The following MEIS1 variants were observed in gnomAD, a reference collection of about 807,000 sequenced individuals.
The protein encoded by MEIS1 is Meis homeobox 1.
MEIS1 carries 5 observed loss-of-function variants against 50.8 expected under a neutral mutation model. That is an observed-to-expected ratio of 0.10 (90% CI 0.05 to 0.21). The LOEUF is 0.21. Ranked by LOEUF, MEIS1 falls within the 10% of genes least tolerant of loss-of-function variation. MEIS1 has a pLI of 1.00. For missense variants in MEIS1, 318 were observed against 517.3 expected, an observed-to-expected ratio of 0.61 and a Z score of 3.74; for synonymous variants, 176 against 179.3, an observed-to-expected ratio of 0.98 and a Z score of 0.15.
Position 66,530,973 on chromosome 2 carries a change from AT to A in MEIS1, c.889-16962del, listed in dbSNP as rs1327998948. ...CAAATGCAGCTGTCTGCTAAGATAA[AT>A]TTTTTTTCTTGCCATGTGATTTGAG... On this transcript the variant is annotated intron_variant, in intron 8 of 12. Coordinates refer to ENST00000272369, the MANE Select transcript of MEIS1 (RefSeq NM_002398.3). 2.6e-5 allele frequency among the ~76,000 whole-genome samples: 4 copies of A among 152,090 alleles called. No individual in the cohort carries two copies. In the East Asian group the frequency reaches 5.8e-4, roughly 22 times the overall value.
chr2:66,502,434 A>G (rs1164148098), intron 7 of MEIS1, among the ~76,000 whole-genome samples: 1 of 152,236 alleles, frequency 6.6e-6, no homozygotes, highest in East Asian at 1.9e-4. Flanking sequence ...AAATTCTGCC[A>G]TTTAAAGATT....
intron 7 of MEIS1, among the ~76,000 whole-genome samples, chr2:66,492,982 A>G (rs569233440): frequency 2.7e-4 from 41 of 152,262 alleles, no homozygotes; most frequent in African/African-American, 9.9e-4. Context: ...CATAAAGGGA[A>G]GTCAGAGGAA....
At chr2:66,566,952 C>T (rs1190079135) in intron 9 of MEIS1, among the ~76,000 whole-genome samples, 4 of 152,098 alleles carry the variant, frequency 2.6e-5, no homozygotes, top group Non-Finnish European at 4.4e-5. Flanking sequence ...GCTGCCATCC[C>T]AGTTCATTAT....
intron 8 of MEIS1, among the ~76,000 whole-genome samples, chr2:66,519,133 C>A (rs1026743989): frequency 6.6e-6 from 1 of 152,160 alleles, no homozygotes; most frequent in Admixed American, 6.5e-5. Flanking sequence ...AATTTTTCTT[C>A]TTGTACTGAT....
chr2:66,435,855 C>G lies in MEIS1; in HGVS notation c.-2C>G. ...GAAGTAGGAAGGGAGCCAGAGAGGCCGATGGCGCAAAGGGTACGTATTAAA... is the reference window on the plus strand; with the variant it reads ...GAAGTAGGAAGGGAGCCAGAGAGGCGGATGGCGCAAAGGGTACGTATTAAA... On this transcript the variant is annotated 5_prime_UTR_variant, in exon 1 of 13. Transcript: ENST00000272369. 6.4e-7 allele frequency: 1 copy of G among 1,570,226 alleles called. No homozygotes were observed. Among genetic ancestry groups the G allele is most frequent in the African/African-American group, 1.4e-5 (1 of 71,080 alleles).
At chr2:66,460,982 G>T (rs7570753) in intron 6 of MEIS1, among the ~76,000 whole-genome samples, 8,721 of 152,162 alleles carry the variant, frequency 0.057, 622 homozygotes, top group African/African-American at 0.17. Flanking sequence ...AAGACCTCTT[G>T]TCTTACTGGA....
At chr2:66,485,507 C>T (rs559625614) in intron 7 of MEIS1, among the ~76,000 whole-genome samples, 1 of 152,224 alleles carries the variant, frequency 6.6e-6, no homozygotes, top group South Asian at 2.1e-4. Flanking sequence ...CATTGATGGG[C>T]ATTTGGGTTG....
chr2:66,514,894 G>A (rs1188768468), intron 8 of MEIS1, among the ~76,000 whole-genome samples: 2 of 152,142 alleles, frequency 1.3e-5, no homozygotes, highest in African/African-American at 4.8e-5. Flanking sequence ...AATATTTATA[G>A]TAAGGAGCTA....
chr2:66,458,264 A>G (rs1672439849), intron 6 of MEIS1, among the ~76,000 whole-genome samples: 1 of 152,242 alleles, frequency 6.6e-6, no homozygotes, highest in African/African-American at 2.4e-5. Flanking sequence ...AAAGTGATTT[A>G]TAAATATTAG....
chr2:66,495,302 T>TA (rs370348538), intron 7 of MEIS1, among the ~76,000 whole-genome samples: 5 of 152,220 alleles, frequency 3.3e-5, no homozygotes, highest in East Asian at 1.9e-4. Context: ...TGATCATACT[T>TA]ACGTCTTTTG....
At chr2:66,565,104 A>G (rs1007294526) in intron 9 of MEIS1, among the ~76,000 whole-genome samples, 1 of 152,124 alleles carries the variant, frequency 6.6e-6, no homozygotes, top group African/African-American at 2.4e-5. Flanking sequence ...GACCAAACGA[A>G]GTGACCATTA....
At chr2:66,443,295 CT>C (rs1247539327) in intron 6 of MEIS1, 1 of 470,410 alleles carries the variant, frequency 2.1e-6, no homozygotes, top group Non-Finnish European at 3.7e-6. Context: ...TTTCTTGTCG[CT>C]TTTAATTTTT....
chr2:66,454,612 A>T (rs995889411), intron 6 of MEIS1: 1 of 152,146 alleles, frequency 6.6e-6, no homozygotes, highest in Admixed American at 6.5e-5. Flanking sequence ...TTCATTTTTT[A>T]AATTTTTTTT....
intron 6 of MEIS1, among the ~76,000 whole-genome samples, chr2:66,456,930 T>C (rs1003774251): frequency 2.6e-5 from 4 of 152,212 alleles, no homozygotes; most frequent in Non-Finnish European, 4.4e-5. Context: ...TTCTCTAAAG[T>C]ATGCTATTTC....
intron 9 of MEIS1, among the ~76,000 whole-genome samples, chr2:66,555,404 G>C (rs1675036734): frequency 6.6e-6 from 1 of 151,096 alleles, no homozygotes; most frequent in Non-Finnish European, 1.5e-5. Flanking sequence ...CTCACTATGT[G>C]AATCAAGGGG....
chr2:66,457,997 C>T (rs373417133), intron 6 of MEIS1, among the ~76,000 whole-genome samples: 26 of 152,268 alleles, frequency 1.7e-4, no homozygotes, highest in African/African-American at 3.9e-4. Context: ...AAGAGAAAGC[C>T]GCCTATTGAC....
intron 8 of MEIS1, among the ~76,000 whole-genome samples, chr2:66,524,245 G>A (rs1163270449): frequency 6.6e-6 from 1 of 152,072 alleles, no homozygotes; most frequent in Non-Finnish European, 1.5e-5. Flanking sequence ...GCCTGACTCT[G>A]GGTTTTGAAA....
intron 7 of MEIS1, among the ~76,000 whole-genome samples, chr2:66,484,385 CTTCCT>C (rs888183981): frequency 6.6e-6 from 1 of 152,064 alleles, no homozygotes; most frequent in African/African-American, 2.4e-5. Context: ...TTTTGACTAT[CTTCCT>C]TTATTTTTCT....
intron 8 of MEIS1, among the ~76,000 whole-genome samples, chr2:66,534,307 G>A (rs1674466872): frequency 6.6e-6 from 1 of 152,142 alleles, no homozygotes; most frequent in African/African-American, 2.4e-5. Context: ...AGGCCAAGGC[G>A]GGCGGATCAC....
Sources: allele counts gnomAD v4.1 joint callset (sites outside exome capture counted in the v4.1 genomes callset), GRCh38; gene constraint gnomAD v4.1.1; transcripts MANE v1.5; gene names NCBI Gene and HGNC (gene_info 2026-07-23, HGNC 2026-07-21).